HNRNPH2: variants seen among roughly 807,000 people sequenced by gnomAD.
HNRNPH2 encodes the protein FTP-3.
For missense variants in HNRNPH2, 115 were observed against 352.9 expected (o/e 0.33, Z 5.40); for synonymous variants, 128 against 128.2 (o/e 1.00, Z 0.01).
chrX:101,408,479 C>G (rs1555987421), intron 1 of HNRNPH2, among the ~76,000 whole-genome samples, 160 bp downstream of exon 1: 1 of 108,800 alleles, frequency 9.2e-6, no homozygotes, highest in East Asian at 2.9e-4. Context: ...GCCGCCTGTG[C>G]TGCGCCTGGT....
chrX:101,410,287 T>C (rs1190433364), intron 1 of HNRNPH2, among the ~76,000 whole-genome samples: 1 of 112,447 alleles, frequency 8.9e-6, no homozygotes, highest in Non-Finnish European at 1.9e-5. Context: ...TGATACATAT[T>C]ATCAAATTGC....
chrX:101,408,426 C>T, intron 1 of HNRNPH2, 107 bp downstream of exon 1: 1 of 163,290 alleles, frequency 6.1e-6, no homozygotes, highest in Non-Finnish European at 1.2e-5. Flanking sequence ...TCCCCTCCCC[C>T]CTCGCGCTCT....
chrX:101,412,982 G>A lies in HNRNPH2; in HGVS notation c.994G>A (p.Asp332Asn). 1.7e-6 allele frequency: 2 copies of A among 1,211,261 alleles called. No homozygotes were observed. The highest frequency in any genetic ancestry group is 2.2e-6 in the Non-Finnish European group (2 of 894,897). The change falls in exon 2 of 2, where the codon GAT becomes AAT. Residue 332 changes from aspartate to asparagine, a missense_variant. By Grantham distance (23) the Asp-to-Asn change is conservative. Transcript: ENST00000316594. ...CGATGGCAGAGTTACCGGTGAGGCA[G>A]ATGTTGAATTTGCTACTCATGAAGA... ...GPDGRVTGEA[D>N]VEFATHEDAV...
At chrX:101,409,016 C>T (rs1928675248) in intron 1 of HNRNPH2, among the ~76,000 whole-genome samples, 2 of 110,905 alleles carry the variant, frequency 1.8e-5, no homozygotes, top group Admixed American at 9.6e-5. Context: ...CCACTTTAGC[C>T]AGCAGTCCTG....
At chrX:101,410,040 C>CT (rs1928731660) in intron 1 of HNRNPH2, among the ~76,000 whole-genome samples, 5 of 112,251 alleles carry the variant, frequency 4.5e-5, no homozygotes, top group African/African-American at 6.5e-5. Flanking sequence ...GGTATGGGAA[C>CT]ATGTATTTTG....
chrX:101,411,292 TTG>T (rs1235598724), intron 1 of HNRNPH2, among the ~76,000 whole-genome samples: 3 of 111,153 alleles, frequency 2.7e-5, no homozygotes, highest in African/African-American at 6.5e-5. Context: ...TGTGTTTTGT[TTG>T]TGTTTTAATT....
chrX:101,408,641 G>C (rs1157483027), intron 1 of HNRNPH2, among the ~76,000 whole-genome samples: 1 of 111,397 alleles, frequency 9.0e-6, no homozygotes, highest in East Asian at 2.8e-4. Context: ...GAAAATAGTG[G>C]TCTGAGTGCT....
At chrX:101,408,483 G>T (rs1327641750) in intron 1 of HNRNPH2, among the ~76,000 whole-genome samples, 164 bp downstream of exon 1, 4 of 108,508 alleles carry the variant, frequency 3.7e-5, no homozygotes, top group Non-Finnish European at 5.8e-5. Context: ...CCTGTGCTGC[G>T]CCTGGTGGGG....
rs3027573 is a variant in HNRNPH2, at chrX:101,413,485, C to T, written c.*147C>T. 5.1e-3 allele frequency: 2,163 copies of T among 421,109 alleles called. 8 individuals carry two copies. Among genetic ancestry groups the T allele is most frequent in the African/African-American group, 0.016 (578 of 37,137 alleles). The allele number at this position is 421,109 out of a possible 1,213,427, so 34.7% of individuals were successfully genotyped here. ...TTCTGATCACTCTTGGTCAGCTTCT[C>T]TTTCTTTATCTTTCTTTCTCCTTTT... On this transcript the variant is annotated 3_prime_UTR_variant, in exon 2 of 2. Transcript: ENST00000316594.
intron 1 of HNRNPH2, among the ~76,000 whole-genome samples, chrX:101,410,469 G>A (rs1483065117): frequency 6.2e-5 from 7 of 112,308 alleles, no homozygotes; most frequent in Admixed American, 5.6e-4. Flanking sequence ...CTTGCTGGAA[G>A]ATTGATTAAA....
In HNRNPH2 at chrX:101,412,699, T is replaced by C. The variant is rs1555988457; in HGVS notation, c.711T>C (p.Gly237=). Residue 237 remains glycine, a synonymous_variant, in exon 2 of 2, where the codon GGT becomes GGC. Transcript: ENST00000316594. The part of the protein sequence containing the change: ...GFERMRRGAY[G]GGYGGYDDYG... The stretch of plus-strand genomic sequence containing the variant: ...AAAGGATGAGGCGTGGTGCCTATGG[T>C]GGAGGGTATGGAGGCTATGATGACT... 1.7e-6 allele frequency: 2 copies of C among 1,210,331 alleles called. No homozygotes were observed. Among genetic ancestry groups the C allele is most frequent in the Non-Finnish European group, 2.2e-6 (2 of 894,831 alleles).
In HNRNPH2 at chrX:101,413,142, C is replaced by G; in HGVS notation, c.1154C>G (p.Ala385Gly). 1 of 1,211,274 alleles carries G rather than the reference C, an allele frequency of 8.3e-7. No homozygotes were observed. The highest frequency in any genetic ancestry group is 1.1e-6 in the Non-Finnish European group (1 of 895,066). Residue 385 changes from alanine to glycine, a missense_variant, in exon 2 of 2, where the codon GCA becomes GGA. Transcript: ENST00000316594. ...SYVELFLNST[A>G]GASGGAYGSQ... ...GTAGAACTTTTTTTGAATTCTACAG[C>G]AGGGGCAAGTGGTGGCGCTTATGGT...
At chrX:101,411,229 A>G (rs1349293654) in intron 1 of HNRNPH2, among the ~76,000 whole-genome samples, 1 of 110,140 alleles carries the variant, frequency 9.1e-6, no homozygotes, top group African/African-American at 3.3e-5. Context: ...GATTTTATTG[A>G]TTTGCATACA....
At position 101,411,927 on chromosome X, in the gene HNRNPH2, T is replaced by G; in HGVS notation, c.-53-9T>G. 2 of 1,135,609 alleles carry G rather than the reference T, an allele frequency of 1.8e-6. No individual in the cohort carries two copies. The highest frequency in any genetic ancestry group is 1.2e-6 in the Non-Finnish European group (1 of 861,263). The allele number at this position is 1,135,609 out of a possible 1,213,427, so 93.6% of individuals were successfully genotyped here. ...TCCATGACAGTAGTCTTCTTTTTTT[T>G]TTTTTCAGCTACACCAAAATTGCAT... is the stretch of plus-strand genomic sequence containing the variant. On this transcript the variant is annotated splice_polypyrimidine_tract_variant and intron_variant, in intron 1 of 1. Transcript: ENST00000316594.
rs1555988360 is a variant in HNRNPH2 at position 101,412,323 on chromosome X, T to G, written c.335T>G (p.Phe112Cys). Residue 112 changes from phenylalanine to cysteine, a missense_variant, in exon 2 of 2, where the codon TTC becomes TGC. Phe to Cys is a radical substitution (Grantham distance 205, BLOSUM62 -2). Coordinates refer to ENST00000316594, the MANE Select transcript of HNRNPH2 (RefSeq NM_019597.5). Reference protein sequence around the residue: ...PNSPDTANDGFVRLRGLPFGC... With the variant: ...PNSPDTANDGCVRLRGLPFGC... The stretch of plus-strand genomic sequence containing the variant: ...AGCCCTGATACTGCCAACGATGGCT[T>G]CGTCCGGCTTAGAGGACTCCCATTT... The G allele has an allele frequency of 8.3e-7, 1 of 1,211,581 alleles. No individual in the cohort carries two copies. Among genetic ancestry groups the G allele is most frequent in the African/African-American group, 1.7e-5 (1 of 57,966 alleles).
At position 101,413,658 on chromosome X, in the gene HNRNPH2, A is replaced by G. The variant is rs1187889229; in HGVS notation, c.*320A>G. On this transcript the variant is annotated 3_prime_UTR_variant, in exon 2 of 2. Coordinates refer to ENST00000316594, the MANE Select transcript of HNRNPH2 (RefSeq NM_019597.5). Reference sequence around the variant, plus strand: ...CATCTAGGACATAATAACAAAGTTCAGTATTGACCATAACTGTTAAAACAA... The same window carrying G: ...CATCTAGGACATAATAACAAAGTTCGGTATTGACCATAACTGTTAAAACAA... 5.0e-6 allele frequency: 1 copy of G among 200,008 alleles called. No homozygotes were observed. Among genetic ancestry groups the G allele is most frequent in the African/African-American group, 2.9e-5 (1 of 34,038 alleles). The allele number at this position is 200,008 out of a possible 1,213,427, so 16.5% of individuals were successfully genotyped here.
chrX:101,408,353 G>C, intron 1 of HNRNPH2, 34 bp downstream of exon 1: 1 of 185,595 alleles, frequency 5.4e-6, no homozygotes, highest in Non-Finnish European at 1.0e-5. Context: ...GGACCCAGGG[G>C]TGGTGATGAT....
intron 1 of HNRNPH2, among the ~76,000 whole-genome samples, 189 bp downstream of exon 1, chrX:101,408,508 C>T (rs1928644122): frequency 9.2e-6 from 1 of 109,090 alleles, no homozygotes; most frequent in African/African-American, 3.4e-5. Flanking sequence ...GGTGGACGCT[C>T]ATGACTGTGT....
At chrX:101,409,351 A>G (rs1257563386) in intron 1 of HNRNPH2, among the ~76,000 whole-genome samples, 1 of 112,096 alleles carries the variant, frequency 8.9e-6, no homozygotes, top group African/African-American at 3.2e-5. Context: ...CTTTGTTTCC[A>G]AGAGGCCCAG....
Sources: gnomAD v4.1 joint callset for allele counts (sites outside exome capture counted in the v4.1 genomes callset) on GRCh38, gnomAD v4.1.1 for gene constraint, MANE v1.5 for transcripts, NCBI Gene and HGNC (gene_info 2026-07-23, HGNC 2026-07-21) for gene names.